The following LHFPL3 variants were observed in gnomAD, a reference collection of about 807,000 sequenced individuals.
LHFPL3 encodes the protein LHFPL tetraspan subfamily member 3 protein.
LHFPL3 carries 5 observed loss-of-function variants against 19.3 expected under a neutral mutation model. That is an observed-to-expected ratio of 0.26 (90% CI 0.14 to 0.54). LHFPL3 has a LOEUF of 0.54. Ranked by LOEUF, LHFPL3 falls within the 20% of genes least tolerant of loss-of-function variation. The pLI, the probability that LHFPL3 is intolerant of heterozygous loss-of-function variation, is 0.94. For missense variants in LHFPL3, 249 were observed against 307.4 expected (o/e 0.81, Z 1.42); for synonymous variants, 133 against 126.2 (o/e 1.05, Z -0.36).
chr7:104,505,371 C>A (rs1041636819), intron 1 of LHFPL3, among the ~76,000 whole-genome samples: 5 of 152,138 alleles, frequency 3.3e-5, no homozygotes, highest in Non-Finnish European at 5.9e-5. Flanking sequence ...TGCTGAAGAG[C>A]AAATTAGAAG....
At chr7:104,542,647 C>A (rs1056558588) in intron 1 of LHFPL3, among the ~76,000 whole-genome samples, 4 of 152,182 alleles carry the variant, frequency 2.6e-5, no homozygotes, top group Admixed American at 6.5e-5. Context: ...TCTTCTCAGA[C>A]ACACCCATCG....
intron 1 of LHFPL3, among the ~76,000 whole-genome samples, chr7:104,674,451 C>G (rs886085056): frequency 1.3e-5 from 2 of 151,214 alleles, no homozygotes; most frequent in Admixed American, 1.3e-4. Context: ...TCACTGCAAC[C>G]TCCGCCTCCT....
intron 1 of LHFPL3, among the ~76,000 whole-genome samples, chr7:104,624,655 G>A (rs1247337601): frequency 6.6e-6 from 1 of 152,154 alleles, no homozygotes. Flanking sequence ...TATTTTGAAG[G>A]AATAGAGAGA....
intron 2 of LHFPL3, among the ~76,000 whole-genome samples, chr7:104,898,317 C>A (rs748278074): frequency 3.2e-4 from 49 of 152,082 alleles, no homozygotes; most frequent in Non-Finnish European, 5.6e-4. Context: ...GAAATCTCAC[C>A]CTTTTATATA....
At chr7:104,726,266 G>A (rs751553474) in intron 1 of LHFPL3, among the ~76,000 whole-genome samples, 9 of 151,576 alleles carry the variant, frequency 5.9e-5, no homozygotes, top group South Asian at 2.1e-4. Context: ...ATTTTCAAAC[G>A]TATTTTAGTG....
intron 1 of LHFPL3, among the ~76,000 whole-genome samples, chr7:104,623,548 T>C (rs992287252): frequency 8.7e-5 from 10 of 114,760 alleles, no homozygotes; most frequent in African/African-American, 1.3e-4. Flanking sequence ...GAGAATCGCT[T>C]GAGCCTGGGA....
chr7:104,674,938 G>C (rs1363533378), intron 1 of LHFPL3, among the ~76,000 whole-genome samples: 5 of 152,172 alleles, frequency 3.3e-5, no homozygotes, highest in Non-Finnish European at 7.3e-5. Flanking sequence ...AAATACAGAA[G>C]TATTCATTCA....
intron 1 of LHFPL3, among the ~76,000 whole-genome samples, chr7:104,732,282 T>C (rs1348910367): frequency 6.6e-6 from 1 of 152,236 alleles, no homozygotes; most frequent in African/African-American, 2.4e-5. Flanking sequence ...TTGATTGGAA[T>C]AGTTTCGGAA....
Position 104,328,789 on chromosome 7 carries a change from G to A in LHFPL3, c.10G>A (p.Ala4Thr). 1.3e-6 allele frequency: 2 copies of A among 1,590,980 alleles called. No homozygotes were observed. The highest frequency in any genetic ancestry group is 1.7e-6 in the Non-Finnish European group (2 of 1,169,640). Residue 4 changes from alanine (A) to threonine (T), a missense_variant, in exon 1 of 3, where the codon GCC becomes ACC. Physicochemically the swap from Ala to Thr is moderately conservative, Grantham distance 58 (BLOSUM62 0). Coordinates refer to ENST00000424859, the MANE Select transcript of LHFPL3 (RefSeq NM_199000.3). This position sits in a 1 kb window ranked among gnomAD's most constrained non-coding sequence, Gnocchi z 4.6. Reference protein sequence around the residue: MPGAAAAAAAAAAA... With the variant: MPGTAAAAAAAAAA... ...GAGGAGGAGGGGGAGAATGCCCGGA[G>A]CCGCCGCCGCTGCCGCCGCCGCCGC...
At chr7:104,500,084 G>T (rs902486450) in intron 1 of LHFPL3, among the ~76,000 whole-genome samples, 1 of 152,128 alleles carries the variant, frequency 6.6e-6, no homozygotes, top group African/African-American at 2.4e-5. Context: ...CTGTTTCCAG[G>T]ACTGATTCAG....
intron 2 of LHFPL3, among the ~76,000 whole-genome samples, chr7:104,771,777 G>A (rs920144348): frequency 1.6e-5 from 2 of 123,216 alleles, no homozygotes; most frequent in Non-Finnish European, 3.5e-5. Context: ...GTTACCCTTA[G>A]TTTTATTTTC....
chr7:104,365,305 A>C (rs1790463577), intron 1 of LHFPL3, among the ~76,000 whole-genome samples: 1 of 152,104 alleles, frequency 6.6e-6, no homozygotes, highest in Non-Finnish European at 1.5e-5. Context: ...GTCTCAAAAA[A>C]AATAAAAAAT....
chr7:104,540,860 C>G (rs144877425), intron 1 of LHFPL3, among the ~76,000 whole-genome samples: 134 of 152,274 alleles, frequency 8.8e-4, no homozygotes, highest in African/African-American at 3.1e-3. Context: ...TATTCTACTT[C>G]TGTCCATCCC....
chr7:104,658,610 A>G (rs995229506), intron 1 of LHFPL3, among the ~76,000 whole-genome samples: 1 of 152,060 alleles, frequency 6.6e-6, no homozygotes, highest in African/African-American at 2.4e-5. Context: ...AGACCAGCCT[A>G]GCCAACATGG....
intron 2 of LHFPL3, chr7:104,802,851 A>G (rs989193358): frequency 3.3e-5 from 5 of 152,216 alleles, no homozygotes; most frequent in Admixed American, 6.5e-5. Context: ...GGAGGTTATA[A>G]GCCTGAGTGG....
intron 1 of LHFPL3, among the ~76,000 whole-genome samples, chr7:104,539,773 C>T (rs1156360719): frequency 6.6e-6 from 1 of 152,198 alleles, no homozygotes; most frequent in East Asian, 1.9e-4. Context: ...TGAGATTATG[C>T]TCTTTTCCAC....
At chr7:104,689,041 C>A (rs573372549) in intron 1 of LHFPL3, among the ~76,000 whole-genome samples, 1 of 152,230 alleles carries the variant, frequency 6.6e-6, no homozygotes, top group South Asian at 2.1e-4. Context: ...TCACTTTAGA[C>A]CTACTCATCC....
At chr7:104,584,508 T>C (rs1327756277) in intron 1 of LHFPL3, among the ~76,000 whole-genome samples, 1 of 152,104 alleles carries the variant, frequency 6.6e-6, no homozygotes, top group African/African-American at 2.4e-5. Context: ...TACTTCATCT[T>C]TATTAGAGAA....
intron 2 of LHFPL3, among the ~76,000 whole-genome samples, chr7:104,901,553 G>A (rs1792484523): frequency 7.4e-6 from 1 of 136,040 alleles, no homozygotes; most frequent in South Asian, 2.5e-4. Flanking sequence ...TAGGGGGCAA[G>A]CTTTTTTGTT....
Sources: gnomAD v4.1 joint callset for allele counts (sites outside exome capture counted in the v4.1 genomes callset) on GRCh38, gnomAD v4.1.1 for gene constraint, Gnocchi (gnomAD v3.1) non-coding constraint, MANE v1.5 for transcripts, NCBI Gene and HGNC (gene_info 2026-07-23, HGNC 2026-07-21) for gene names.